The following USP24 variants were observed in gnomAD, a reference collection of about 807,000 sequenced individuals.
USP24 encodes ubiquitin specific peptidase 24.
In USP24, 97 loss-of-function variants were observed where a neutral mutation model predicts 361.6. That is an observed-to-expected ratio of 0.27 (90% confidence interval 0.23 to 0.32). The LOEUF is 0.32. Ranked by LOEUF, USP24 falls within the 10% of genes least tolerant of loss-of-function variation. The probability of loss-of-function intolerance (pLI) is 1.00; values close to 1 mark genes in which losing one functional copy is unlikely to be tolerated. For synonymous variants in USP24, 1,098 were observed against 1,124.6 expected (o/e 0.98, Z 0.47); for missense variants, 2,353 against 3,165.6 (o/e 0.74, Z 6.16).
Position 55,137,902 on chromosome 1 carries a change from A to G in USP24, c.2931T>C (p.Ala977=). Residue 977 remains alanine (A), a splice_region_variant and synonymous_variant, in exon 27 of 68, where the codon GCT becomes GCC. Transcript: ENST00000294383. ...ESTKDTFTVE[A]HSNETIGSVR... ...CACTCCCTATGGTTTCATTACTGTG[A>G]GCCTGTAAAATAAAATTAAACACGT... is the stretch of plus-strand genomic sequence containing the variant. The G allele has an allele frequency of 6.3e-7, 1 of 1,579,810 alleles. No homozygotes were observed. The highest frequency in any genetic ancestry group is 8.6e-7 in the Non-Finnish European group (1 of 1,161,678).
intron 48 of USP24, 39 bp downstream of exon 48, chr1:55,097,559 T>C (rs369858409): frequency 6.6e-7 from 1 of 1,521,722 alleles, no homozygotes; most frequent in Non-Finnish European, 8.8e-7. Context: ...AGTGAGGAAA[T>C]GAATGGTTGT....
At chr1:55,194,995 C>T (rs1020521236) in intron 1 of USP24, among the ~76,000 whole-genome samples, 1 of 146,550 alleles carries the variant, frequency 6.8e-6, no homozygotes, top group Non-Finnish European at 1.5e-5. Flanking sequence ...CAAAGGGCCA[C>T]CAGAATGATC....
intron 1 of USP24, among the ~76,000 whole-genome samples, chr1:55,211,029 T>C (rs985209096): frequency 1.3e-5 from 2 of 152,218 alleles, no homozygotes; most frequent in Non-Finnish European, 2.9e-5. Flanking sequence ...CATTTCATAA[T>C]TGTTAAGTTC....
Position 55,077,221 on chromosome 1 carries a change from C to T in USP24, c.7380+14G>A, listed in dbSNP as rs930862963. 10 of 1,514,008 alleles carry T rather than the reference C, an allele frequency of 6.6e-6. No homozygotes were observed. The African/African-American group carries it at 1.4e-4, about 21-fold the overall frequency. The allele number at this position is 1,514,008 out of a possible 1,614,324, so 93.8% of individuals were successfully genotyped here. On this transcript the variant is annotated intron_variant, in intron 62 of 67. Transcript: ENST00000294383. ...ATTCCTAAATAAAAGTGAGTCAGAA[C>T]AGTTATGACTTACCAATATTTCATG...
In USP24 at chr1:55,096,573, C is replaced by G. The variant is rs868638549; in HGVS notation, c.5986G>C (p.Glu1996Gln). 2.5e-6 allele frequency: 4 copies of G among 1,613,020 alleles called. No individual in the cohort carries two copies. The highest frequency in any genetic ancestry group is 1.7e-5 in the Admixed American group (1 of 59,874). ...WYKFNDTVIE[E>Q]FDLNDETLEY... ...AGGGTCTCGTCATTTAGGTCAAATTCTTCTATAACTGTGTCATTAAATTTA... is the reference window on the plus strand; with the variant it reads ...AGGGTCTCGTCATTTAGGTCAAATTGTTCTATAACTGTGTCATTAAATTTA... The change falls in exon 50 of 68, where the codon GAA (glutamate) becomes CAA (glutamine). Residue 1996 changes from glutamate to glutamine, a missense_variant. By Grantham distance (29) the Glu-to-Gln change is conservative. Around this residue, in one of 8 missense-constraint regions of USP24, gnomAD observed 598 missense variants for 761.9 expected, o/e 0.78. Transcript: ENST00000294383.
intron 51 of USP24, among the ~76,000 whole-genome samples, chr1:55,094,619 AAAC>A (rs749366147): frequency 3.9e-5 from 6 of 152,178 alleles, no homozygotes; most frequent in South Asian, 2.1e-4. Flanking sequence ...GACCTTTAAA[AAAC>A]AACAACATTC....
chr1:55,082,567 A>C (rs142724143), intron 58 of USP24, among the ~76,000 whole-genome samples: 12 of 152,350 alleles, frequency 7.9e-5, no homozygotes, highest in Non-Finnish European at 1.5e-4. Flanking sequence ...TGGGCAGATC[A>C]CTTGAGCCCA....
chr1:55,139,030 AGTATT>A lies in USP24; in HGVS notation c.2751-25_2751-21del. The A allele has an allele frequency of 6.4e-7, 1 of 1,552,622 alleles. No homozygotes were observed. The highest frequency in any genetic ancestry group is 1.2e-5 in the South Asian group (1 of 85,984). On this transcript the variant is annotated intron_variant, in intron 24 of 67. Transcript: ENST00000294383. ...GTAGATCTATAGATTAAAAAAAAAA[AGTATT>A]AAAATGTATTTGAAGTGTGATGATC...
chr1:55,118,084 T>C (rs1192853664), intron 38 of USP24, among the ~76,000 whole-genome samples: 1 of 152,138 alleles, frequency 6.6e-6, no homozygotes. Context: ...TTCAATGAAA[T>C]CTCTATGAAA....
chr1:55,096,908 G>C (rs1279189099), intron 49 of USP24, 44 bp downstream of exon 49: 1 of 1,584,690 alleles, frequency 6.3e-7, no homozygotes, highest in Non-Finnish European at 8.6e-7. Flanking sequence ...CGGAGAGCAG[G>C]GGAGGGCAGA....
At chr1:55,135,853 G>C (rs902021720) in intron 28 of USP24, among the ~76,000 whole-genome samples, 1 of 152,094 alleles carries the variant, frequency 6.6e-6, no homozygotes, top group African/African-American at 2.4e-5. Flanking sequence ...CTAAAAAGCA[G>C]AACAGTCTTA....
At chr1:55,177,637 T>G (rs1253238463) in intron 2 of USP24, among the ~76,000 whole-genome samples, 1 of 152,238 alleles carries the variant, frequency 6.6e-6, no homozygotes, top group Non-Finnish European at 1.5e-5. Flanking sequence ...AAGCACAAGT[T>G]TGTTAAATAA....
At chr1:55,099,572 GA>G (rs986199893) in intron 45 of USP24, among the ~76,000 whole-genome samples, 198 bp downstream of exon 45, 4 of 151,472 alleles carry the variant, frequency 2.6e-5, no homozygotes, top group East Asian at 1.9e-4. Context: ...AAAAAGAAAA[GA>G]AAAAAAAGAG....
intron 38 of USP24, among the ~76,000 whole-genome samples, chr1:55,115,325 T>C (rs758093409): frequency 1.3e-5 from 2 of 151,042 alleles, no homozygotes; most frequent in Non-Finnish European, 3.0e-5. Flanking sequence ...TGAAACCCCG[T>C]CTCTACTAAA....
At chr1:55,146,209 G>T in intron 19 of USP24, 100 bp from the exon 20 acceptor site, 1 of 758,400 alleles carries the variant, frequency 1.3e-6, no homozygotes, top group Non-Finnish European at 2.1e-6. Flanking sequence ...TACTTCAAAT[G>T]TTTATACTGT....
At chr1:55,161,279 G>A (rs112066023) in intron 8 of USP24, among the ~76,000 whole-genome samples, 15,287 of 151,682 alleles carry the variant, frequency 0.1, 1,016 homozygotes, top group Non-Finnish European at 0.15. Flanking sequence ...GGTTGAGGCA[G>A]GAGAATCGCT....
chr1:55,071,917 A>C lies in USP24; in HGVS notation c.7697T>G (p.Leu2566Ter). The C allele has an allele frequency of 6.2e-7, 1 of 1,608,852 alleles. No homozygotes were observed. Among genetic ancestry groups the C allele is most frequent in the Non-Finnish European group, 8.5e-7 (1 of 1,177,484 alleles). Reference protein sequence around the residue: ...FQRTISAQDTLAYATALLNEK... With the variant: ...FQRTISAQDT ...ATTCAACAAAGCTGTGGCATACGCT[A>C]ACGTGTCCTGCAGAAGATTCAAACA... Residue 2566 changes from leucine to a stop codon, truncating the protein, a stop_gained, in exon 67 of 68, where the codon TTA becomes TGA. Coordinates refer to ENST00000294383, the MANE Select transcript of USP24 (RefSeq NM_015306.3). LOFTEE classifies it high-confidence loss of function.
intron 16 of USP24, chr1:55,152,069 TC>T: frequency 1.6e-5 from 13 of 795,378 alleles, no homozygotes; most frequent in African/African-American, 1.9e-5. Context: ...GCTTTGATCT[TC>T]CCACTGCCCC....
At chr1:55,212,745 A>G (rs1027143958) in intron 1 of USP24, among the ~76,000 whole-genome samples, 2 of 152,234 alleles carry the variant, frequency 1.3e-5, no homozygotes, top group African/African-American at 4.8e-5. Flanking sequence ...TGGGTAAAGC[A>G]GCCTCAGTCA....
Sources: allele counts gnomAD v4.1 joint callset (sites outside exome capture counted in the v4.1 genomes callset), GRCh38; gene constraint gnomAD v4.1.1; regional missense constraint gnomAD v4.1.1; transcripts MANE v1.5; gene names NCBI Gene and HGNC (gene_info 2026-07-23, HGNC 2026-07-21).